The following DENND2B variants were observed in gnomAD, a reference collection of about 807,000 sequenced individuals.
The protein encoded by DENND2B is DENN domain-containing protein 2B.
In DENND2B, 32 loss-of-function variants were observed where a neutral mutation model predicts 116.0. That is an observed-to-expected ratio of 0.28 (90% CI 0.21 to 0.37). The LOEUF is 0.37. DENND2B is among the 10% of genes least tolerant of loss of function. The pLI, the probability that DENND2B is intolerant of heterozygous loss-of-function variation, is 1.00. For missense variants in DENND2B, 1,276 were observed against 1,477.7 expected, an observed-to-expected ratio of 0.86 and a Z score of 2.24; for synonymous variants, 588 against 583.9, an observed-to-expected ratio of 1.01 and a Z score of -0.10.
At chr11:8,727,897 C>G (rs1390357143) in intron 3 of DENND2B, among the ~76,000 whole-genome samples, 2 of 144,188 alleles carry the variant, frequency 1.4e-5, no homozygotes, top group African/African-American at 2.5e-5. Flanking sequence ...AGTTTCTCCC[C>G]AGGTTTTTTT....
At chr11:8,863,892 AGC>A (rs2063491423) in intron 2 of DENND2B, among the ~76,000 whole-genome samples, 1 of 152,120 alleles carries the variant, frequency 6.6e-6, no homozygotes, top group Non-Finnish European at 1.5e-5. Flanking sequence ...CAGTAGAAGA[AGC>A]CTTTTGGGTC....
intron 1 of DENND2B, among the ~76,000 whole-genome samples, chr11:8,882,171 T>A (rs949354829): frequency 6.6e-6 from 1 of 152,222 alleles, no homozygotes; most frequent in Non-Finnish European, 1.5e-5. Flanking sequence ...TGCACCTAGA[T>A]GTTCCAGACA....
chr11:8,814,653 G>A (rs140311653), upstream of DENND2B, among the ~76,000 whole-genome samples: 3 of 152,318 alleles, frequency 2.0e-5, no homozygotes, highest in East Asian at 5.8e-4. Flanking sequence ...ACCATGCTGT[G>A]TAATTATGCA....
upstream of DENND2B, among the ~76,000 whole-genome samples, chr11:8,812,976 G>C (rs1017930367): frequency 2.6e-5 from 4 of 152,116 alleles, no homozygotes; most frequent in African/African-American, 4.8e-5. Flanking sequence ...TTGACACGAG[G>C]TCTTATTATG....
rs529897342 is a variant in DENND2B at position 8,878,405 on chromosome 11, T to C, written c.-156+2605A>G. On this transcript the variant is annotated intron_variant, in intron 2 of 22. Coordinates refer to the DENND2B transcript ENST00000534127. ...AATTGAATGAATTTTTTTTTTTTTT[T>C]TGGAGACAGAGTCTCGCTCAGTCGT... 1.8e-4 allele frequency among the ~76,000 whole-genome samples: 28 copies of C among 152,236 alleles called. No homozygotes were observed. In the East Asian group the frequency reaches 5.2e-3, roughly 28 times the overall value.
intron 1 of DENND2B, among the ~76,000 whole-genome samples, chr11:8,793,000 G>A (rs1452725998): frequency 6.6e-6 from 1 of 152,168 alleles, no homozygotes; most frequent in Non-Finnish European, 1.5e-5. Flanking sequence ...TTACAGTACT[G>A]CATATAACAG....
At chr11:8,696,267 CGGA>C (rs1215679927) in intron 18 of DENND2B, among the ~76,000 whole-genome samples, 157 bp downstream of exon 18, 1 of 152,110 alleles carries the variant, frequency 6.6e-6, no homozygotes, top group Admixed American at 6.5e-5. Context: ...TTACTGGGGC[CGGA>C]GGAGAAGAAT....
chr11:8,765,902 G>C (rs1444001566), intron 1 of DENND2B, among the ~76,000 whole-genome samples: 2 of 152,074 alleles, frequency 1.3e-5, no homozygotes, highest in East Asian at 1.9e-4. Context: ...AGCCAGAAGT[G>C]GTGGTGCCTG....
intron 4 of DENND2B, among the ~76,000 whole-genome samples, chr11:8,837,123 C>G (rs775621853): frequency 6.6e-6 from 1 of 151,802 alleles, no homozygotes; most frequent in South Asian, 2.1e-4. Context: ...GAAGCCAATG[C>G]AAATCTTTAA....
intron 6 of DENND2B, chr11:8,714,909 C>A: frequency 1.8e-6 from 1 of 556,500 alleles, no homozygotes; most frequent in South Asian, 2.2e-5. Flanking sequence ...TATACCTAGT[C>A]CCCCAGGAGT....
intron 2 of DENND2B, among the ~76,000 whole-genome samples, chr11:8,741,016 C>G (rs2050107079): frequency 6.6e-6 from 1 of 152,186 alleles, no homozygotes; most frequent in Non-Finnish European, 1.5e-5. Context: ...TGAGAAAAAG[C>G]CAAAGGACAG....
intron 17 of DENND2B, among the ~76,000 whole-genome samples, chr11:8,697,312 T>A (rs1037460342): frequency 1.3e-5 from 2 of 152,276 alleles, no homozygotes; most frequent in African/African-American, 4.8e-5. Context: ...TAATTAGTTT[T>A]CTGTCAGCAG....
At chr11:8,706,895 G>A (rs1285587603) in intron 13 of DENND2B, among the ~76,000 whole-genome samples, 190 bp downstream of exon 13, 1 of 152,214 alleles carries the variant, frequency 6.6e-6, no homozygotes, top group Non-Finnish European at 1.5e-5. Context: ...GCCCCTGGGA[G>A]GAACAGAGGG....
chr11:8,880,503 T>C (rs534063361), intron 2 of DENND2B, among the ~76,000 whole-genome samples: 1 of 152,298 alleles, frequency 6.6e-6, no homozygotes, highest in East Asian at 1.9e-4. Context: ...TCAGTTTGTG[T>C]TGCAAAATGC....
chr11:8,751,894 C>T (rs2052574327), intron 1 of DENND2B, among the ~76,000 whole-genome samples: 1 of 152,148 alleles, frequency 6.6e-6, no homozygotes, highest in African/African-American at 2.4e-5. Context: ...CTTGAATATA[C>T]TTGAAACTGA....
At chr11:8,777,280 T>TA (rs1163491362) in intron 1 of DENND2B, among the ~76,000 whole-genome samples, 1 of 151,984 alleles carries the variant, frequency 6.6e-6, no homozygotes, top group African/African-American at 2.4e-5. Context: ...GCTACCTCGG[T>TA]AAAAAAGAGA....
At chr11:8,803,562 C>T (rs957671104) in intron 1 of DENND2B, among the ~76,000 whole-genome samples, 4 of 152,186 alleles carry the variant, frequency 2.6e-5, no homozygotes, top group Non-Finnish European at 4.4e-5. Context: ...GACTTTCTAC[C>T]GCTATATGTA....
intron 2 of DENND2B, among the ~76,000 whole-genome samples, chr11:8,737,358 T>A (rs1036444907): frequency 6.6e-6 from 1 of 152,042 alleles, no homozygotes; most frequent in African/African-American, 2.4e-5. Context: ...GAAGAAAACA[T>A]GAAGAGCAAT....
At chr11:8,727,870 C>G (rs1025877025) in intron 3 of DENND2B, among the ~76,000 whole-genome samples, 1 of 150,676 alleles carries the variant, frequency 6.6e-6, no homozygotes, top group African/African-American at 2.4e-5. Flanking sequence ...AACATGCTGT[C>G]TCTCATTAAA....
Sources: gnomAD v4.1 joint callset for allele counts (sites outside exome capture counted in the v4.1 genomes callset) on GRCh38, gnomAD v4.1.1 for gene constraint, MANE v1.5 for transcripts, NCBI Gene and HGNC (gene_info 2026-07-23, HGNC 2026-07-21) for gene names.